The following NLGN1 variants were observed in gnomAD, a reference collection of about 807,000 sequenced individuals.
NLGN1 encodes neuroligin 1, also known as neuroligin-1.
Under a neutral mutation model 65.5 loss-of-function variants are expected in NLGN1, and 12 were observed. The observed-to-expected ratio is 0.18, with a 90% CI of 0.12 to 0.30. The LOEUF is 0.30. Among genes scored for constraint, NLGN1 ranks in the 10% least tolerant of loss-of-function variants. The pLI, the probability that NLGN1 is intolerant of heterozygous loss-of-function variation, is 1.00. For missense variants in NLGN1, 750 were observed against 1,007.1 expected, an observed-to-expected ratio of 0.74 and a Z score of 3.46; for synonymous variants, 350 against 359.5, an observed-to-expected ratio of 0.97 and a Z score of 0.30.
chr3:173,561,564 A>G (rs1040650484), intron 2 of NLGN1, among the ~76,000 whole-genome samples: 3 of 152,192 alleles, frequency 2.0e-5, no homozygotes, highest in Non-Finnish European at 2.9e-5. Flanking sequence ...TTTAGAAAAC[A>G]TAATGGCAAA....
At chr3:174,103,439 C>CCAT (rs1459123854) in intron 4 of NLGN1, among the ~76,000 whole-genome samples, 5 of 152,032 alleles carry the variant, frequency 3.3e-5, no homozygotes, top group African/African-American at 1.2e-4. Flanking sequence ...ATAGGAAAGA[C>CCAT]CATCATACAT....
intron 4 of NLGN1, among the ~76,000 whole-genome samples, chr3:174,140,112 G>T (rs1230978591): frequency 6.6e-6 from 1 of 151,928 alleles, no homozygotes; most frequent in East Asian, 1.9e-4. Flanking sequence ...AGGGGGATTT[G>T]CTATATATTA....
chr3:173,651,575 C>T (rs866330320), intron 3 of NLGN1, among the ~76,000 whole-genome samples: 4 of 151,962 alleles, frequency 2.6e-5, no homozygotes, highest in East Asian at 1.9e-4. Flanking sequence ...TTACATTCCC[C>T]GTAGCAGTGT....
intron 4 of NLGN1, among the ~76,000 whole-genome samples, chr3:173,881,422 T>TA (rs1463716540): frequency 8.4e-5 from 5 of 59,800 alleles, no homozygotes; most frequent in African/African-American, 4.6e-4. Context: ...TCCACTCCTT[T>TA]TTTTTTTTTT....
intron 3 of NLGN1, among the ~76,000 whole-genome samples, chr3:173,631,665 G>A (rs1755707862): frequency 6.6e-6 from 1 of 152,080 alleles, no homozygotes; most frequent in Non-Finnish European, 1.5e-5. Flanking sequence ...ATGGTTACGA[G>A]AGTAAATCTA....
intron 3 of NLGN1, among the ~76,000 whole-genome samples, chr3:173,681,831 T>C (rs1763987115): frequency 6.6e-6 from 1 of 152,210 alleles, no homozygotes; most frequent in African/African-American, 2.4e-5. Flanking sequence ...AATACAGTGC[T>C]AATAAATGCT....
intron 3 of NLGN1, among the ~76,000 whole-genome samples, chr3:173,806,639 T>C (rs1716722142): frequency 6.6e-6 from 1 of 152,138 alleles, no homozygotes; most frequent in African/African-American, 2.4e-5. Flanking sequence ...TCAATCTATA[T>C]AATACGTAGA....
intron 4 of NLGN1, among the ~76,000 whole-genome samples, chr3:174,160,277 T>A (rs1447559771): frequency 2.0e-5 from 3 of 151,772 alleles, no homozygotes; most frequent in Non-Finnish European, 4.4e-5. Flanking sequence ...GTTTGGTTTT[T>A]TTCTCAGCCA....
At chr3:174,074,386 GT>G (rs1251562621) in intron 4 of NLGN1, among the ~76,000 whole-genome samples, 1 of 152,106 alleles carries the variant, frequency 6.6e-6, no homozygotes, top group Non-Finnish European at 1.5e-5. Flanking sequence ...TTTAAATGAT[GT>G]TTACTTTAGT....
intron 4 of NLGN1, among the ~76,000 whole-genome samples, chr3:174,121,290 C>T (rs1717730267): frequency 6.6e-6 from 1 of 152,232 alleles, no homozygotes; most frequent in African/African-American, 2.4e-5. Flanking sequence ...GACCTCCACT[C>T]TGTCCATAGG....
intron 4 of NLGN1, among the ~76,000 whole-genome samples, chr3:173,928,288 A>T (rs1320147378): frequency 6.6e-6 from 1 of 152,166 alleles, no homozygotes; most frequent in Non-Finnish European, 1.5e-5. Context: ...ATCACCACAT[A>T]GCCTCTTTGG....
rs751086231 is a variant in NLGN1, at chr3:173,748,586, A to G, written c.494-59094A>G. On this transcript the variant is annotated intron_variant, in intron 3 of 6. Coordinates refer to ENST00000457714, the Ensembl canonical transcript of NLGN1. The stretch of plus-strand genomic sequence containing the variant: ...AATGCAAGAAATTGGCCTCATGGTG[A>G]CTGCCTAATTTACATGTTATCACAA... Among the ~76,000 whole-genome samples, 20 of 152,262 alleles carry G rather than the reference A, an allele frequency of 1.3e-4. No individual in the cohort carries two copies. The South Asian group carries it at 3.1e-3, about 24-fold the overall frequency.
At chr3:174,103,806 A>C (rs1007614118) in intron 4 of NLGN1, among the ~76,000 whole-genome samples, 1 of 152,102 alleles carries the variant, frequency 6.6e-6, no homozygotes, top group Non-Finnish European at 1.5e-5. Context: ...AAATTTCTAT[A>C]AATAGAGTCT....
At chr3:174,076,460 C>G (rs927266300) in intron 4 of NLGN1, among the ~76,000 whole-genome samples, 3 of 152,104 alleles carry the variant, frequency 2.0e-5, no homozygotes, top group Non-Finnish European at 4.4e-5. Flanking sequence ...TGAATCTGCT[C>G]TGGATTCTGG....
chr3:174,077,625 G>A lies in NLGN1; in HGVS notation c.647-197690G>A, dbSNP rs184201249. On this transcript the variant is annotated intron_variant, in intron 4 of 6. Transcript: ENST00000457714. ...GGCTGGAGTGTAGTGGCATGATCTC[G>A]ACTCACTGCAGCCTCCGCCTCCCGG... 3.9e-3 allele frequency among the ~76,000 whole-genome samples: 598 copies of A among 151,716 alleles called. 2 individuals carry two copies. Among genetic ancestry groups the A allele is most frequent in the Non-Finnish European group, 6.0e-3 (410 of 67,962 alleles).
At chr3:173,397,538 A>C (rs1716825619), upstream of NLGN1, among the ~76,000 whole-genome samples, 20 of 143,902 alleles carry the variant, frequency 1.4e-4, no homozygotes, top group South Asian at 4.5e-4. Flanking sequence ...CCCCCACTCC[A>C]CTCCTGCCCC....
intron 3 of NLGN1, among the ~76,000 whole-genome samples, chr3:173,667,239 GCACACACACA>G (rs3032837): frequency 6.8e-6 from 1 of 147,328 alleles, no homozygotes; most frequent in African/African-American, 2.5e-5. Flanking sequence ...ACACGCATAT[GCACACACACA>G]CACACACACA....
At chr3:174,058,202 G>A (rs1736595410) in intron 4 of NLGN1, among the ~76,000 whole-genome samples, 1 of 152,184 alleles carries the variant, frequency 6.6e-6, no homozygotes, top group African/African-American at 2.4e-5. Context: ...TGTGCATCGG[G>A]AATTAGCCAG....
At chr3:173,908,567 CA>C (rs1738917969) in intron 4 of NLGN1, among the ~76,000 whole-genome samples, 1 of 151,822 alleles carries the variant, frequency 6.6e-6, no homozygotes, top group Non-Finnish European at 1.5e-5. Flanking sequence ...CATCACCCCA[CA>C]CTCACTAATA....
Sources: gnomAD v4.1 joint callset for allele counts (sites outside exome capture counted in the v4.1 genomes callset) on GRCh38, gnomAD v4.1.1 for gene constraint, MANE v1.5 for transcripts, NCBI Gene and HGNC (gene_info 2026-07-23, HGNC 2026-07-21) for gene names.